Variants in EYS observed in about 807,000 individuals in gnomAD.
EYS encodes the protein protein eyes shut homolog.
Under a neutral mutation model 282.1 loss-of-function variants are expected in EYS, and 250 were observed. The ratio of observed to expected loss-of-function variants is 0.89; its 90% CI spans 0.80 to 0.98. The LOEUF (loss-of-function observed/expected upper bound fraction) is 0.98. Ranked by LOEUF, EYS falls within the 50% of genes least tolerant of loss-of-function variation. The probability of loss-of-function intolerance (pLI) is 0.00; values close to 1 mark genes in which losing one functional copy is unlikely to be tolerated. For synonymous variants in EYS, 1,355 were observed against 1,282.9 expected (o/e 1.06, Z -1.20); for missense variants, 4,016 against 3,709.0 (o/e 1.08, Z -2.15).
chr6:65,231,220 A>ATATCTGAAT (rs1766775130), intron 12 of EYS, among the ~76,000 whole-genome samples: 1 of 147,210 alleles, frequency 6.8e-6, no homozygotes, highest in Admixed American at 6.9e-5. Context: ...TCAGACATAT[A>ATATCTGAAT]TATCTGAATT....
intron 26 of EYS, among the ~76,000 whole-genome samples, chr6:64,457,147 G>A (rs1775581994): frequency 6.6e-6 from 1 of 151,824 alleles, no homozygotes; most frequent in African/African-American, 2.4e-5. Context: ...TTAGAAGCAT[G>A]TTAATTTGTA....
At chr6:64,241,028 TTC>T (rs1352839018) in intron 30 of EYS, among the ~76,000 whole-genome samples, 1 of 152,174 alleles carries the variant, frequency 6.6e-6, no homozygotes, top group Non-Finnish European at 1.5e-5. Flanking sequence ...TTGTCATTGT[TTC>T]TGTTTGTGTG....
chr6:64,510,410 T>C (rs1161179975), intron 26 of EYS, among the ~76,000 whole-genome samples: 1 of 152,138 alleles, frequency 6.6e-6, no homozygotes, highest in African/African-American at 2.4e-5. Flanking sequence ...AAATTTTGTT[T>C]CTTATATGAT....
chr6:63,924,103 A>G (rs1764648215), intron 35 of EYS, among the ~76,000 whole-genome samples: 1 of 152,196 alleles, frequency 6.6e-6, no homozygotes, highest in African/African-American at 2.4e-5. Flanking sequence ...AGTGATGGGA[A>G]GGAAATTTAC....
intron 31 of EYS, among the ~76,000 whole-genome samples, chr6:64,208,083 C>A (rs547865933): frequency 1.3e-5 from 2 of 152,248 alleles, no homozygotes; most frequent in Admixed American, 6.5e-5. Flanking sequence ...GGGTAAAGAC[C>A]CATTATTAAA....
intron 19 of EYS, among the ~76,000 whole-genome samples, chr6:64,880,294 T>A (rs184875262): frequency 6.6e-5 from 10 of 152,094 alleles, no homozygotes; most frequent in Non-Finnish European, 7.4e-5. Flanking sequence ...GCTTCCCCTA[T>A]TTAATTTATG....
chr6:65,271,616 T>C (rs766278070), intron 12 of EYS, among the ~76,000 whole-genome samples: 41 of 152,234 alleles, frequency 2.7e-4, no homozygotes, highest in Non-Finnish European at 5.1e-4. Context: ...GGAGTCTTGC[T>C]CTGTCACTCA....
At chr6:65,454,971 T>C (rs1764547393) in intron 5 of EYS, among the ~76,000 whole-genome samples, 1 of 152,102 alleles carries the variant, frequency 6.6e-6, no homozygotes, top group African/African-American at 2.4e-5. Context: ...TTGCTTAGGG[T>C]TGCTTTGGCT....
chr6:64,734,480 A>C (rs946771275), intron 22 of EYS, among the ~76,000 whole-genome samples: 1 of 152,256 alleles, frequency 6.6e-6, no homozygotes, highest in Non-Finnish European at 1.5e-5. Context: ...AAATATTGCT[A>C]TAAGAGCATA....
chr6:65,329,759 G>C, intron 11 of EYS: 1 of 978,472 alleles, frequency 1.0e-6, no homozygotes, highest in East Asian at 1.1e-4. Flanking sequence ...TTTGGGATCA[G>C]AAATAATTTA....
At chr6:64,389,913 T>C (rs1476647901) in intron 28 of EYS, among the ~76,000 whole-genome samples, 1 of 151,854 alleles carries the variant, frequency 6.6e-6, no homozygotes, top group East Asian at 1.9e-4. Context: ...TCAGTGGGTG[T>C]GCACACCGTG....
intron 26 of EYS, among the ~76,000 whole-genome samples, chr6:64,546,435 C>A (rs1316209639): frequency 6.6e-6 from 1 of 152,112 alleles, no homozygotes; most frequent in African/African-American, 2.4e-5. Flanking sequence ...AAAACCTGGG[C>A]AATACCATTC....
intron 22 of EYS, among the ~76,000 whole-genome samples, chr6:64,687,135 T>C (rs1770178917): frequency 6.6e-6 from 1 of 151,654 alleles, no homozygotes; most frequent in Non-Finnish European, 1.5e-5. Context: ...ATAATGCTAA[T>C]TCTACATAAA....
intron 2 of EYS, among the ~76,000 whole-genome samples, chr6:65,530,984 A>C (rs1222176902): frequency 6.6e-6 from 1 of 152,188 alleles, no homozygotes; most frequent in East Asian, 1.9e-4. Flanking sequence ...ACTCGCTCCT[A>C]TAAGAAAAAT....
chr6:65,655,530 C>A (rs1209856235), intron 1 of EYS, among the ~76,000 whole-genome samples: 1 of 151,628 alleles, frequency 6.6e-6, no homozygotes, highest in Admixed American at 6.6e-5. Context: ...AATAGATAAA[C>A]CATATCTAGC....
intron 1 of EYS, among the ~76,000 whole-genome samples, chr6:65,659,277 T>C (rs1381189537): frequency 2.0e-5 from 3 of 151,782 alleles, no homozygotes; most frequent in South Asian, 2.1e-4. Flanking sequence ...AAGGAAACTT[T>C]GTTTTCAACA....
chr6:64,855,621 T>C (rs1224689890), intron 19 of EYS, among the ~76,000 whole-genome samples: 1 of 152,174 alleles, frequency 6.6e-6, no homozygotes, highest in Non-Finnish European at 1.5e-5. Flanking sequence ...TGATCCAATA[T>C]TGATACATTA....
intron 35 of EYS, among the ~76,000 whole-genome samples, chr6:63,938,082 T>G (rs1765125922): frequency 6.6e-6 from 1 of 152,208 alleles, no homozygotes; most frequent in South Asian, 2.1e-4. Flanking sequence ...GTAAATCAAC[T>G]GGTTAACCTA....
intron 12 of EYS, among the ~76,000 whole-genome samples, chr6:65,288,186 T>C (rs1490904787): frequency 6.6e-6 from 1 of 151,014 alleles, no homozygotes; most frequent in Non-Finnish European, 1.5e-5. Context: ...GGAGTATAAA[T>C]GGACCTGTAG....
Sources: allele counts gnomAD v4.1 joint callset (sites outside exome capture counted in the v4.1 genomes callset), GRCh38; gene constraint gnomAD v4.1.1; transcripts MANE v1.5; gene names NCBI Gene and HGNC (gene_info 2026-07-23, HGNC 2026-07-21).